GRM5: variants seen among roughly 807,000 people sequenced by gnomAD.
GRM5 encodes glutamate metabotropic receptor 5, also known as metabotropic glutamate receptor 5.
GRM5 carries 19 observed loss-of-function variants against 83.1 expected under a neutral mutation model. The ratio of observed to expected loss-of-function variants is 0.23; its 90% CI spans 0.16 to 0.34. GRM5 has a LOEUF of 0.34. Ranked by LOEUF, GRM5 falls within the 10% of genes least tolerant of loss-of-function variation. The pLI is 1.00. For synonymous variants in GRM5, 675 were observed against 633.6 expected (o/e 1.07, Z -0.98); for missense variants, 1,160 against 1,588.3 (o/e 0.73, Z 4.58).
intron 3 of GRM5, among the ~76,000 whole-genome samples, chr11:88,839,034 G>A (rs561238764): frequency 2.0e-5 from 3 of 152,028 alleles, no homozygotes; most frequent in Non-Finnish European, 4.4e-5. Flanking sequence ...TTCTAGTTCT[G>A]TAGTACATCT....
At chr11:88,552,565 A>G (rs1212772579) in intron 8 of GRM5, among the ~76,000 whole-genome samples, 1 of 152,162 alleles carries the variant, frequency 6.6e-6, no homozygotes, top group South Asian at 2.1e-4. Context: ...CATCTTGGGC[A>G]GAAAGGCTTT....
At chr11:88,819,936 T>C (rs914529031) in intron 3 of GRM5, among the ~76,000 whole-genome samples, 1 of 152,042 alleles carries the variant, frequency 6.6e-6, no homozygotes, top group Non-Finnish European at 1.5e-5. Context: ...CTGCCATAAG[T>C]AACCCATTTC....
chr11:88,979,892 C>T (rs1484721018), intron 2 of GRM5, among the ~76,000 whole-genome samples: 5 of 152,036 alleles, frequency 3.3e-5, no homozygotes, highest in South Asian at 2.1e-4. Flanking sequence ...TGTTGAGTCA[C>T]GGTCTTTCTA....
intron 1 of GRM5, among the ~76,000 whole-genome samples, chr11:89,061,939 G>A (rs1385067549): frequency 6.6e-6 from 1 of 152,176 alleles, no homozygotes; most frequent in East Asian, 1.9e-4. Context: ...TAAATGACTA[G>A]AGAAAGCTTT....
chr11:88,947,017 C>A (rs564016223), intron 2 of GRM5, among the ~76,000 whole-genome samples: 1 of 152,180 alleles, frequency 6.6e-6, no homozygotes, highest in East Asian at 1.9e-4. Flanking sequence ...TCTAACAAGT[C>A]TATCAGTAGA....
intron 3 of GRM5, among the ~76,000 whole-genome samples, chr11:88,843,384 G>A (rs11021567): frequency 0.39 from 56,889 of 145,030 alleles, 10,858 homozygotes; most frequent in East Asian, 0.45. Flanking sequence ...AAACGTATCC[G>A]TCACCTCAGA....
At chr11:88,626,591 T>C (rs1938803646) in intron 4 of GRM5, among the ~76,000 whole-genome samples, 1 of 152,204 alleles carries the variant, frequency 6.6e-6, no homozygotes, top group African/African-American at 2.4e-5. Flanking sequence ...AATATTGTTG[T>C]AATTTATTGA....
chr11:88,734,122 A>T (rs141458173), intron 3 of GRM5, among the ~76,000 whole-genome samples: 13 of 152,096 alleles, frequency 8.5e-5, no homozygotes, highest in Non-Finnish European at 1.6e-4. Flanking sequence ...GCTGTTTTTC[A>T]CTTAGAGGTG....
At chr11:88,720,442 TA>T (rs1159909573) in intron 3 of GRM5, among the ~76,000 whole-genome samples, 2 of 152,018 alleles carry the variant, frequency 1.3e-5, no homozygotes, top group Non-Finnish European at 2.9e-5. Flanking sequence ...TGGTACAAGG[TA>T]ACTTGAGATA....
At chr11:88,979,774 T>C (rs1373062012) in intron 2 of GRM5, among the ~76,000 whole-genome samples, 1 of 148,628 alleles carries the variant, frequency 6.7e-6, no homozygotes, top group East Asian at 1.9e-4. Flanking sequence ...ACTCCTTTCT[T>C]TGTGGAAAAA....
At chr11:88,748,131 G>GC (rs1042431529) in intron 3 of GRM5, among the ~76,000 whole-genome samples, 1 of 152,112 alleles carries the variant, frequency 6.6e-6, no homozygotes, top group African/African-American at 2.4e-5. Context: ...ATGGATCTTT[G>GC]CAACCCATGG....
At chr11:88,618,203 T>C (rs1279985156) in intron 4 of GRM5, among the ~76,000 whole-genome samples, 1 of 152,166 alleles carries the variant, frequency 6.6e-6, no homozygotes, top group Non-Finnish European at 1.5e-5. Flanking sequence ...TGTTTGCCTA[T>C]ACTTAAAAAA....
chr11:88,976,120 A>C (rs2135013950), intron 2 of GRM5, among the ~76,000 whole-genome samples: 1 of 152,330 alleles, frequency 6.6e-6, no homozygotes, highest in Admixed American at 6.5e-5. Context: ...TTTAAGTGAA[A>C]TGATTCCAGT....
intron 3 of GRM5, among the ~76,000 whole-genome samples, chr11:88,723,524 C>T (rs559825493): frequency 1.3e-5 from 2 of 152,126 alleles, no homozygotes; most frequent in East Asian, 3.9e-4. Flanking sequence ...CTTCCTGTTG[C>T]TCCATGCTTT....
chr11:88,661,952 G>T (rs1939918937), intron 3 of GRM5, among the ~76,000 whole-genome samples: 1 of 152,044 alleles, frequency 6.6e-6, no homozygotes, highest in African/African-American at 2.4e-5. Context: ...GTTATCAACT[G>T]AAAATCAACT....
intron 9 of GRM5, among the ~76,000 whole-genome samples, chr11:88,521,252 C>T (rs1941679887): frequency 6.6e-6 from 1 of 152,096 alleles, no homozygotes; most frequent in Admixed American, 6.5e-5. Context: ...CCCGTCTCTA[C>T]TAAAAATACA....
chr11:88,628,691 G>A (rs955272602), intron 4 of GRM5, among the ~76,000 whole-genome samples: 1 of 152,178 alleles, frequency 6.6e-6, no homozygotes. Flanking sequence ...TCAGGAGCAG[G>A]AGAAAGGTAT....
chr11:88,734,420 C>T (rs6483407), intron 3 of GRM5, among the ~76,000 whole-genome samples: 88,729 of 151,756 alleles, frequency 0.58, 27,950 homozygotes, highest in South Asian at 0.79. Context: ...AACAGAAATA[C>T]CATATAATAC....
At chr11:88,681,376 C>A (rs1193866410) in intron 3 of GRM5, among the ~76,000 whole-genome samples, 1 of 151,694 alleles carries the variant, frequency 6.6e-6, no homozygotes, top group Admixed American at 6.6e-5. Flanking sequence ...TGCTAACATT[C>A]TTTTTTGCAA....
Sources: allele counts gnomAD v4.1 joint callset (sites outside exome capture counted in the v4.1 genomes callset), GRCh38; gene constraint gnomAD v4.1.1; transcripts MANE v1.5; gene names NCBI Gene and HGNC (gene_info 2026-07-23, HGNC 2026-07-21).